DLGAP2: variants seen among roughly 807,000 people sequenced by gnomAD.
The protein encoded by DLGAP2 is disks large-associated protein 2.
Under a neutral mutation model 100.3 loss-of-function variants are expected in DLGAP2, and 26 were observed. That is an observed-to-expected ratio of 0.26 (90% CI 0.19 to 0.36). DLGAP2 has a LOEUF of 0.36. Among genes scored for constraint, DLGAP2 ranks in the 10% least tolerant of loss-of-function variants. DLGAP2 has a pLI of 1.00. For missense variants in DLGAP2, 1,858 were observed against 1,453.2 expected, an observed-to-expected ratio of 1.28 and a Z score of -4.53; for synonymous variants, 886 against 630.1, an observed-to-expected ratio of 1.41 and a Z score of -6.08.
At chr8:941,009 G>T (rs1799184291) in intron 2 of DLGAP2, among the ~76,000 whole-genome samples, 1 of 152,212 alleles carries the variant, frequency 6.6e-6, no homozygotes, top group African/African-American at 2.4e-5. Context: ...TACAGGTTTT[G>T]CAGGAATCAC....
chr8:939,081 G>A (rs1799137147), intron 2 of DLGAP2, among the ~76,000 whole-genome samples: 1 of 151,156 alleles, frequency 6.6e-6, no homozygotes, highest in Admixed American at 6.6e-5. Flanking sequence ...GCAGACACAG[G>A]GGCTGGGGTG....
chr8:1,585,974 AC>A (rs1425246283), intron 6 of DLGAP2, among the ~76,000 whole-genome samples: 1 of 152,240 alleles, frequency 6.6e-6, no homozygotes, highest in Non-Finnish European at 1.5e-5. Context: ...TTTACAATAA[AC>A]ATGAGGTCCC....
At position 1,564,447 on chromosome 8, in the gene DLGAP2, G is replaced by A. The variant is rs577641462; in HGVS notation, c.1231-1236G>A. On this transcript the variant is annotated intron_variant, in intron 5 of 14. Coordinates refer to ENST00000637795, the MANE Select transcript of DLGAP2 (RefSeq NM_001346810.2). ...CAGGCAGCCTGTGGGGCCGTTATGG[G>A]TGATATATAAAATGCACGTGGGTTC... Among the ~76,000 whole-genome samples, 29 of 152,300 alleles carry A rather than the reference G, an allele frequency of 1.9e-4. No individual in the cohort carries two copies. The South Asian group carries it at 5.2e-3, about 27-fold the overall frequency.
At chr8:914,618 C>T (rs535782559) in intron 2 of DLGAP2, among the ~76,000 whole-genome samples, 1 of 152,348 alleles carries the variant, frequency 6.6e-6, no homozygotes, top group African/African-American at 2.4e-5. Context: ...CCGGGCACTT[C>T]TGTGCAGAGC....
At chr8:1,416,898 C>G (rs531252622) in intron 3 of DLGAP2, among the ~76,000 whole-genome samples, 6 of 152,284 alleles carry the variant, frequency 3.9e-5, no homozygotes, top group African/African-American at 1.4e-4. Flanking sequence ...GAAAGCTTCT[C>G]AGACTTGCAA....
At chr8:741,420 G>T (rs1820480954) in intron 1 of DLGAP2, among the ~76,000 whole-genome samples, 1 of 152,134 alleles carries the variant, frequency 6.6e-6, no homozygotes, top group Non-Finnish European at 1.5e-5. Context: ...ATCTGCCTAT[G>T]AAAATCTTCT....
At chr8:1,491,850 C>T (rs1799399867) in intron 3 of DLGAP2, among the ~76,000 whole-genome samples, 1 of 152,156 alleles carries the variant, frequency 6.6e-6, no homozygotes, top group Admixed American at 6.5e-5. Context: ...TTAGTCATAA[C>T]TGAATTCCTT....
intron 2 of DLGAP2, among the ~76,000 whole-genome samples, chr8:914,792 A>C (rs1466316363): frequency 1.3e-5 from 2 of 152,234 alleles, no homozygotes; most frequent in African/African-American, 4.8e-5. Flanking sequence ...GAGAGGGTTC[A>C]TGACTAAACC....
At chr8:1,036,439 G>A in intron 2 of DLGAP2, among the ~76,000 whole-genome samples, 1 of 152,338 alleles carries the variant, frequency 6.6e-6, no homozygotes, top group African/African-American at 2.4e-5. Flanking sequence ...TTGTCCAGGG[G>A]ACCCTACACG....
Position 1,090,206 on chromosome 8 carries a change from G to C in DLGAP2, c.74-168645G>C, listed in dbSNP as rs112257711. 1.0e-3 allele frequency among the ~76,000 whole-genome samples: 104 copies of C among 100,694 alleles called. 1 individual carries two copies. Among genetic ancestry groups the C allele is most frequent in the East Asian group, 2.4e-3 (7 of 2,972 alleles). The allele number at this position is 100,694 out of a possible 152,430, so 66.1% of individuals were successfully genotyped here. The stretch of plus-strand genomic sequence containing the variant: ...CCCCGAGGACCTGCTGCCTGTCTGC[G>C]CTCTGGAGCCCTCCTGGCCAGACAG... On this transcript the variant is annotated intron_variant, in intron 2 of 14. Coordinates refer to ENST00000637795, the MANE Select transcript of DLGAP2 (RefSeq NM_001346810.2).
chr8:803,106 G>A (rs1346062493), intron 1 of DLGAP2, among the ~76,000 whole-genome samples: 1 of 152,262 alleles, frequency 6.6e-6, no homozygotes, highest in Middle Eastern at 3.4e-3. Flanking sequence ...TCTGGGCTCC[G>A]TGGCTCCCAC....
intron 3 of DLGAP2, among the ~76,000 whole-genome samples, chr8:1,319,201 C>T (rs1051131121): frequency 6.6e-6 from 1 of 152,166 alleles, no homozygotes; most frequent in African/African-American, 2.4e-5. Context: ...CCTCCCTGGT[C>T]AGGGCGTCTG....
intron 6 of DLGAP2, among the ~76,000 whole-genome samples, chr8:1,588,163 C>A (rs1584959610): frequency 6.6e-6 from 1 of 152,204 alleles, no homozygotes; most frequent in Admixed American, 6.5e-5. Flanking sequence ...TGTCTAACAG[C>A]AGCAGCACGG....
In DLGAP2 at chr8:1,668,535, A is replaced by G. The variant is rs955063638; in HGVS notation, c.2017A>G (p.Met673Val). The G allele has an allele frequency of 2.5e-6, 4 of 1,592,922 alleles. No individual in the cohort carries two copies. Among genetic ancestry groups the G allele is most frequent in the Non-Finnish European group, 3.4e-6 (4 of 1,170,844 alleles). ...GGACAGCCTGGACAGCAACAAGGCC[A>G]TGAACCTCGCGCTGGAAACGGCCGC... ...STDSLDSNKA[M>V]NLALETAAAQ... The change falls in exon 9 of 15, where the codon ATG becomes GTG. Residue 673 changes from methionine (M) to valine (V), a missense_variant. Physicochemically the swap from Met to Val is conservative, Grantham distance 21 (BLOSUM62 1). Coordinates refer to ENST00000637795, the MANE Select transcript of DLGAP2 (RefSeq NM_001346810.2).
chr8:907,891 T>C (rs764879471), intron 1 of DLGAP2, 21 bp from the exon 2 acceptor site: 5 of 398,752 alleles, frequency 1.3e-5, no homozygotes, highest in Non-Finnish European at 2.2e-5. Context: ...AAATGTATTT[T>C]ATTTATTTGT....
chr8:888,197 G>A (rs2128995008), intron 1 of DLGAP2, among the ~76,000 whole-genome samples: 1 of 152,238 alleles, frequency 6.6e-6, no homozygotes. Flanking sequence ...ACTTGTGTAT[G>A]CTTCATGAAG....
At position 1,548,821 on chromosome 8, in the gene DLGAP2, G is replaced by A. The variant is rs1801646358; in HGVS notation, c.368G>A (p.Ser123Asn). Reference sequence around the variant, plus strand: ...GACGCGCGGCCGCCCTACCTGCTGAGCCCCGCCGACAGCTGCCCCGGGGGG... The same window carrying A: ...GACGCGCGGCCGCCCTACCTGCTGAACCCCGCCGACAGCTGCCCCGGGGGG... ...GPDARPPYLL[S>N]PADSCPGGRH... Residue 123 changes from serine to asparagine, a missense_variant, in exon 5 of 15, where the codon AGC becomes AAC. Ser to Asn is a conservative substitution (Grantham distance 46, BLOSUM62 1). Coordinates refer to ENST00000637795, the MANE Select transcript of DLGAP2 (RefSeq NM_001346810.2). The A allele has an allele frequency of 6.3e-7, 1 of 1,580,540 alleles. No homozygotes were observed. The highest frequency in any genetic ancestry group is 8.6e-7 in the Non-Finnish European group (1 of 1,167,484).
At position 749,876 on chromosome 8, in the gene DLGAP2, G is replaced by C. The variant is rs530866489; in HGVS notation, c.18+12051G>C. 4.0e-3 allele frequency among the ~76,000 whole-genome samples: 605 copies of C among 152,284 alleles called. 8 individuals are homozygous for C. The highest frequency in any genetic ancestry group is 0.038 in the South Asian group (183 of 4,826). Reference sequence around the variant, plus strand: ...GTGGGGAGGGTCCCCTCCTCTCCTGGCTTCTGATGGCTCCAGGCATCCTGG... The same window carrying C: ...GTGGGGAGGGTCCCCTCCTCTCCTGCCTTCTGATGGCTCCAGGCATCCTGG... On this transcript the variant is annotated intron_variant, in intron 1 of 14. Coordinates refer to ENST00000637795, the MANE Select transcript of DLGAP2 (RefSeq NM_001346810.2).
intron 3 of DLGAP2, among the ~76,000 whole-genome samples, chr8:1,497,521 G>A (rs1011763689): frequency 6.6e-6 from 1 of 152,222 alleles, no homozygotes; most frequent in Admixed American, 6.5e-5. Flanking sequence ...CTTATACGAG[G>A]AGGCCAGGAG....
Sources: gnomAD v4.1 joint callset for allele counts (sites outside exome capture counted in the v4.1 genomes callset) on GRCh38, gnomAD v4.1.1 for gene constraint, MANE v1.5 for transcripts, NCBI Gene and HGNC (gene_info 2026-07-23, HGNC 2026-07-21) for gene names.